Variants in MRPS6 observed in about 807,000 individuals in gnomAD.
MRPS6 encodes the protein mitochondrial ribosomal protein S6.
In MRPS6, 6 loss-of-function variants were observed where a neutral mutation model predicts 13.1. The observed-to-expected ratio is 0.46, with a 90% CI of 0.25 to 0.91. The LOEUF (loss-of-function observed/expected upper bound fraction) is 0.91. Ranked by LOEUF, MRPS6 falls within the 40% of genes least tolerant of loss-of-function variation. The pLI is 0.18. For synonymous variants in MRPS6, 61 were observed against 56.5 expected (o/e 1.08, Z -0.36); for missense variants, 164 against 155.6 (o/e 1.05, Z -0.29).
intron 1 of MRPS6, among the ~76,000 whole-genome samples, chr21:34,114,725 T>G (rs771513357): frequency 6.6e-6 from 1 of 152,214 alleles, no homozygotes. Flanking sequence ...CTGAATGATA[T>G]TCTTTGATTT....
Position 34,136,233 on chromosome 21 carries a change from C to T in MRPS6, c.186-6175C>T, listed in dbSNP as rs779045991. Among the ~76,000 whole-genome samples the T allele has an allele frequency of 9.9e-5, 15 of 152,190 alleles. 1 individual carries two copies. Among genetic ancestry groups the T allele is most frequent in the Middle Eastern group, 6.8e-3 (2 of 294 alleles). On this transcript the variant is annotated intron_variant, in intron 2 of 2. Coordinates refer to ENST00000399312, the MANE Select transcript of MRPS6 (RefSeq NM_032476.4). The stretch of plus-strand genomic sequence containing the variant: ...CACGATCTCTGCTCACTGCAACCTC[C>T]GCCTCCCAGGTTCCAGCAATTCCCC...
At chr21:34,090,321 A>G (rs1484409690) in intron 1 of MRPS6, among the ~76,000 whole-genome samples, 1 of 152,228 alleles carries the variant, frequency 6.6e-6, no homozygotes, top group Non-Finnish European at 1.5e-5. Context: ...CTCTGCATCA[A>G]GCGTTAGTAG....
In MRPS6 at chr21:34,122,342, CG is replaced by C. The variant is rs1980149799; in HGVS notation, c.46-2998del. On this transcript the variant is annotated intron_variant, in intron 1 of 2. Transcript: ENST00000399312. ...TTATGGTGAGGTAAGGTCTATGGGG[CG>C]TTATTTTTGCTCCTCCTTCCACCTT... 2.0e-5 allele frequency: 3 copies of C among 152,112 alleles called. No individual in the cohort carries two copies. In the South Asian group the frequency reaches 6.2e-4, roughly 31 times the overall value. 9.4% of individuals were successfully genotyped at this position (152,112 alleles called of 1,614,324 possible).
intron 2 of MRPS6, among the ~76,000 whole-genome samples, chr21:34,137,452 TG>T (rs1229473075): frequency 6.6e-6 from 1 of 152,244 alleles, no homozygotes; most frequent in African/African-American, 2.4e-5. Flanking sequence ...CATTGATTTT[TG>T]TATCTTGCAA....
intron 1 of MRPS6, among the ~76,000 whole-genome samples, chr21:34,115,798 G>A (rs1979875230): frequency 6.6e-6 from 1 of 151,904 alleles, no homozygotes; most frequent in African/African-American, 2.4e-5. Context: ...CGTTTTAATT[G>A]CTCATCGTAA....
intron 1 of MRPS6, chr21:34,102,702 G>A (rs1048334581): frequency 9.0e-6 from 9 of 1,000,002 alleles, no homozygotes; most frequent in Admixed American, 1.2e-4. Flanking sequence ...GCTGAAGAGC[G>A]AGCAAATCAA....
At chr21:34,124,406 T>G (rs1419237572) in intron 1 of MRPS6, 1 of 152,138 alleles carries the variant, frequency 6.6e-6, no homozygotes, top group Non-Finnish European at 1.5e-5. Flanking sequence ...TGTATACATA[T>G]GCATAGAGAG....
At chr21:34,125,293 AATTCTG>A (rs1420669432) in intron 1 of MRPS6, 42 bp from the exon 2 acceptor site, 1 of 1,600,156 alleles carries the variant, frequency 6.2e-7, no homozygotes, top group Admixed American at 1.7e-5. Flanking sequence ...CTCTTATATT[AATTCTG>A]ATGCTTTTTT....
intron 1 of MRPS6, chr21:34,102,795 T>C: frequency 4.0e-6 from 4 of 1,000,064 alleles, no homozygotes; most frequent in Middle Eastern, 1.0e-3. Flanking sequence ...TATAACATAA[T>C]TGTTGTCCAT....
At position 34,078,638 on chromosome 21, in the gene MRPS6, G is replaced by A. The variant is rs139301038; in HGVS notation, c.45+4893G>A. ...AAATTAAGAGTTCAAAAGCAATGAC[G>A]GGAAAATTCTGAAGTAATATTTTTC... is the stretch of plus-strand genomic sequence containing the variant. On this transcript the variant is annotated intron_variant, in intron 1 of 2. Coordinates refer to ENST00000399312, the MANE Select transcript of MRPS6 (RefSeq NM_032476.4). Among the ~76,000 whole-genome samples the A allele has an allele frequency of 6.1e-3, 926 of 152,128 alleles. 7 individuals are homozygous for A. Among genetic ancestry groups the A allele is most frequent in the Middle Eastern group, 0.017 (5 of 292 alleles).
At chr21:34,098,877 A>G in intron 1 of MRPS6, 4 of 999,530 alleles carry the variant, frequency 4.0e-6, no homozygotes, top group Non-Finnish European at 4.8e-6. Context: ...TTATGTATGT[A>G]CTTTCTTTGA....
chr21:34,117,289 G>A (rs181219049), intron 1 of MRPS6, among the ~76,000 whole-genome samples: 107 of 151,924 alleles, frequency 7.0e-4, no homozygotes, highest in Admixed American at 1.5e-3. Flanking sequence ...CCTTCCTTTC[G>A]TCTGCTGTTA....
chr21:34,107,008 T>C (rs570649828), intron 1 of MRPS6, among the ~76,000 whole-genome samples: 11 of 152,334 alleles, frequency 7.2e-5, no homozygotes, highest in African/African-American at 2.6e-4. Context: ...CTTGGCTCAC[T>C]GCAGCCTCTG....
At chr21:34,076,963 A>G (rs62228247) in intron 1 of MRPS6, among the ~76,000 whole-genome samples, 7,486 of 152,328 alleles carry the variant, frequency 0.049, 260 homozygotes, top group Non-Finnish European at 0.075. Context: ...CTGCAGTCCC[A>G]GGTAGCCTCA....
intron 1 of MRPS6, chr21:34,124,291 T>A (rs1276324935): frequency 6.6e-6 from 1 of 152,250 alleles, no homozygotes. Context: ...GCCACCAGAT[T>A]GTGGTGCCCT....
intron 1 of MRPS6, among the ~76,000 whole-genome samples, chr21:34,092,315 T>C (rs1007782632): frequency 6.6e-6 from 1 of 152,134 alleles, no homozygotes; most frequent in African/African-American, 2.4e-5. Context: ...CCTTTTCCAG[T>C]CTTTACCAGG....
rs1351204496 is a variant in MRPS6, at chr21:34,096,459, A to G, written c.45+22714A>G. 3.1e-6 allele frequency: 5 copies of G among 1,614,070 alleles called. No individual in the cohort carries two copies. The highest frequency in any genetic ancestry group is 2.7e-5 in the African/African-American group (2 of 74,924). ...GATATTTGTGGCATTTATGGTGGTG[A>G]TCAGCATAGCATGGGTGCCAATCAT... On this transcript the variant is annotated intron_variant, in intron 1 of 2. Transcript: ENST00000399312. This position sits in a 1 kb window ranked among gnomAD's most constrained non-coding sequence, Gnocchi z 5.9.
intron 2 of MRPS6, among the ~76,000 whole-genome samples, chr21:34,128,659 C>A (rs779802247): frequency 1.3e-5 from 2 of 152,178 alleles, no homozygotes; most frequent in Non-Finnish European, 2.9e-5. Context: ...TAACTGAGAA[C>A]TTATTTTCCC....
chr21:34,136,243 G>C (rs1980698565), intron 2 of MRPS6, among the ~76,000 whole-genome samples: 1 of 152,144 alleles, frequency 6.6e-6, no homozygotes, highest in Non-Finnish European at 1.5e-5. Flanking sequence ...CGCCTCCCAG[G>C]TTCCAGCAAT....
Sources: allele counts gnomAD v4.1 joint callset (sites outside exome capture counted in the v4.1 genomes callset), GRCh38; gene constraint gnomAD v4.1.1; non-coding constraint Gnocchi (gnomAD v3.1); transcripts MANE v1.5; gene names NCBI Gene and HGNC (gene_info 2026-07-23, HGNC 2026-07-21).